The following NRXN1 variants were observed in gnomAD, a reference collection of about 807,000 sequenced individuals.
NRXN1 encodes neurexin-1.
Under a neutral mutation model 150.9 loss-of-function variants are expected in NRXN1, and 39 were observed. The ratio of observed to expected loss-of-function variants is 0.26; its 90% CI spans 0.20 to 0.34. The LOEUF (loss-of-function observed/expected upper bound fraction) is 0.34, where lower values mean the gene tolerates loss of function less well. Among genes scored for constraint, NRXN1 ranks in the 10% least tolerant of loss-of-function variants. The probability of loss-of-function intolerance (pLI) is 1.00; values close to 1 mark genes in which losing one functional copy is unlikely to be tolerated. For missense variants in NRXN1, 1,815 were observed against 1,949.9 expected (o/e 0.93, Z 1.30); for synonymous variants, 924 against 757.0 (o/e 1.22, Z -3.62).
intron 5 of NRXN1, among the ~76,000 whole-genome samples, chr2:50,828,852 C>T (rs1218850410): frequency 6.6e-6 from 1 of 151,072 alleles, no homozygotes; most frequent in Non-Finnish European, 1.5e-5. Flanking sequence ...GCTGCACTCT[C>T]GGCACTTTGG....
At chr2:49,989,759 A>G (rs1681600613) in intron 21 of NRXN1, among the ~76,000 whole-genome samples, 1 of 152,208 alleles carries the variant, frequency 6.6e-6, no homozygotes, top group Non-Finnish European at 1.5e-5. Flanking sequence ...AGCAGACTAG[A>G]GTGAGAATAA....
At chr2:49,928,622 G>GA (rs544201095) in intron 22 of NRXN1, among the ~76,000 whole-genome samples, 1 of 151,056 alleles carries the variant, frequency 6.6e-6, no homozygotes, top group African/African-American at 2.4e-5. Flanking sequence ...TCCCCCATTT[G>GA]AAAAAAAACA....
chr2:50,881,366 A>T (rs1227559633), intron 5 of NRXN1, among the ~76,000 whole-genome samples: 1 of 151,978 alleles, frequency 6.6e-6, no homozygotes, highest in Non-Finnish European at 1.5e-5. Flanking sequence ...TCCTAAAGAC[A>T]TGAAAAATAG....
At chr2:50,309,417 G>A (rs763149696) in intron 17 of NRXN1, among the ~76,000 whole-genome samples, 14 of 152,126 alleles carry the variant, frequency 9.2e-5, no homozygotes, top group Non-Finnish European at 5.9e-5. Context: ...GGATATGAGA[G>A]TTTTGACAAA....
chr2:50,808,165 G>T (rs911638871), intron 5 of NRXN1, among the ~76,000 whole-genome samples: 21 of 152,076 alleles, frequency 1.4e-4, no homozygotes, highest in African/African-American at 5.1e-4. Flanking sequence ...AAGAAGTACA[G>T]TGTTAAAACT....
intron 5 of NRXN1, among the ~76,000 whole-genome samples, chr2:50,818,736 T>C (rs991127839): frequency 6.6e-6 from 1 of 152,036 alleles, no homozygotes; most frequent in African/African-American, 2.4e-5. Context: ...AGGCAATCTA[T>C]GGAATGAGAG....
intron 21 of NRXN1, among the ~76,000 whole-genome samples, chr2:49,965,289 C>T (rs1473569560): frequency 6.6e-6 from 1 of 152,010 alleles, no homozygotes; most frequent in Admixed American, 6.5e-5. Flanking sequence ...TATTTTGAGA[C>T]AGAGTGTGCC....
At chr2:50,744,643 G>A (rs752718599) in intron 5 of NRXN1, among the ~76,000 whole-genome samples, 9 of 152,038 alleles carry the variant, frequency 5.9e-5, no homozygotes, top group Admixed American at 5.9e-4. Flanking sequence ...TGAGGTCCAG[G>A]CTACTTAAGT....
At chr2:50,024,742 G>A (rs1688039149) in intron 21 of NRXN1, among the ~76,000 whole-genome samples, 1 of 152,056 alleles carries the variant, frequency 6.6e-6, no homozygotes, top group East Asian at 1.9e-4. Context: ...AGCCTCCTGA[G>A]TAGCTGATAT....
At chr2:50,001,583 T>G (rs1236992165) in intron 21 of NRXN1, among the ~76,000 whole-genome samples, 1 of 152,144 alleles carries the variant, frequency 6.6e-6, no homozygotes, top group Admixed American at 6.5e-5. Context: ...TTTGGATGAG[T>G]AACTTAAATG....
intron 17 of NRXN1, among the ~76,000 whole-genome samples, chr2:50,329,356 G>A (rs956240169): frequency 3.3e-5 from 5 of 149,530 alleles, no homozygotes; most frequent in African/African-American, 1.2e-4. Flanking sequence ...AACGATGAGG[G>A]TTTTTTTTTC....
chr2:50,812,338 A>T (rs540594757), intron 5 of NRXN1, among the ~76,000 whole-genome samples: 2 of 152,286 alleles, frequency 1.3e-5, no homozygotes, highest in Non-Finnish European at 2.9e-5. Flanking sequence ...TACATATGTG[A>T]CTTCCAAATC....
At chr2:50,616,487 T>G (rs1252869571) in intron 8 of NRXN1, 1 of 152,202 alleles carries the variant, frequency 6.6e-6, no homozygotes, top group Non-Finnish European at 1.5e-5. Flanking sequence ...GATTTCCTTT[T>G]TTTTCTTTAA....
At chr2:49,986,805 T>C (rs1680990072) in intron 21 of NRXN1, among the ~76,000 whole-genome samples, 1 of 152,172 alleles carries the variant, frequency 6.6e-6, no homozygotes, top group South Asian at 2.1e-4. Context: ...CACTCACACC[T>C]ATAATTTCAG....
At chr2:50,570,262 G>C (rs968344837) in intron 8 of NRXN1, among the ~76,000 whole-genome samples, 13 of 151,910 alleles carry the variant, frequency 8.6e-5, no homozygotes, top group African/African-American at 2.9e-4. Context: ...AGTACTGGGG[G>C]CGGGGGGAAG....
In NRXN1 at chr2:50,623,569, G is replaced by A; in HGVS notation, c.879C>T (p.Cys293=). Residue 293 remains cysteine (C), a synonymous_variant, in exon 6 of 23, where the codon TGC becomes TGT. Transcript: ENST00000401669. The part of the protein sequence containing the change: ...IATFKGSEYF[C]YDLSQNPIQS... ...GAATGGGGTTTTGAGACAAGTCGTAGCAGAAGTATTCAGATCCTTTGAACG... is the reference window on the plus strand; with the variant it reads ...GAATGGGGTTTTGAGACAAGTCGTAACAGAAGTATTCAGATCCTTTGAACG... 6.2e-7 allele frequency: 1 copy of A among 1,613,126 alleles called. No individual in the cohort carries two copies. The highest frequency in any genetic ancestry group is 8.5e-7 in the Non-Finnish European group (1 of 1,179,368).
intron 18 of NRXN1, among the ~76,000 whole-genome samples, chr2:50,140,514 G>A (rs1175965831): frequency 6.6e-6 from 1 of 152,072 alleles, no homozygotes; most frequent in Non-Finnish European, 1.5e-5. Context: ...TGACTACAGA[G>A]GCCAGACTTT....
intron 17 of NRXN1, among the ~76,000 whole-genome samples, chr2:50,401,351 T>C (rs1284125062): frequency 6.6e-6 from 1 of 151,824 alleles, no homozygotes; most frequent in Admixed American, 6.6e-5. Flanking sequence ...TGCCCAGGAG[T>C]AGCAGTAACT....
At chr2:50,384,457 G>C (rs763344983) in intron 17 of NRXN1, among the ~76,000 whole-genome samples, 2 of 134,728 alleles carry the variant, frequency 1.5e-5, no homozygotes, top group Non-Finnish European at 3.1e-5. Context: ...AGTGAGCCAG[G>C]ATCATGCCAC....
Sources: allele counts gnomAD v4.1 joint callset (sites outside exome capture counted in the v4.1 genomes callset), GRCh38; gene constraint gnomAD v4.1.1; transcripts MANE v1.5; gene names NCBI Gene and HGNC (gene_info 2026-07-23, HGNC 2026-07-21).